GTPBP10: variants seen among roughly 807,000 people sequenced by gnomAD.
GTPBP10 encodes the protein GTP-binding protein 10.
Under a neutral mutation model 44.8 loss-of-function variants are expected in GTPBP10, and 38 were observed. The ratio of observed to expected loss-of-function variants is 0.85; its 90% confidence interval spans 0.65 to 1.11. The LOEUF (loss-of-function observed/expected upper bound fraction) is 1.11. Among genes scored for constraint, GTPBP10 ranks in the 50% most tolerant of loss-of-function variants. The probability of loss-of-function intolerance (pLI) is 0.00; values close to 1 mark genes in which losing one functional copy is unlikely to be tolerated. For synonymous variants in GTPBP10, 152 were observed against 150.6 expected (o/e 1.01, Z -0.07); for missense variants, 462 against 453.7 (o/e 1.02, Z -0.17).
chr7:90,367,955 A>G (rs1245837754), intron 4 of GTPBP10, among the ~76,000 whole-genome samples: 1 of 152,166 alleles, frequency 6.6e-6, no homozygotes, highest in African/African-American at 2.4e-5. Flanking sequence ...TTCCTTTAGA[A>G]GCTCTTGTAA....
At chr7:90,349,028 C>T (rs1006698532) in intron 1 of GTPBP10, among the ~76,000 whole-genome samples, 4 of 152,142 alleles carry the variant, frequency 2.6e-5, no homozygotes, top group Admixed American at 6.5e-5. Context: ...TCTTGAAGTC[C>T]TTTACCCACT....
At chr7:90,361,071 A>T (rs1247818136) in intron 4 of GTPBP10, among the ~76,000 whole-genome samples, 1 of 152,200 alleles carries the variant, frequency 6.6e-6, no homozygotes, top group Non-Finnish European at 1.5e-5. Context: ...CAATCTTGTC[A>T]TCTTCAAACA....
chr7:90,370,867 C>T (rs955615174), intron 4 of GTPBP10, among the ~76,000 whole-genome samples: 3 of 151,948 alleles, frequency 2.0e-5, no homozygotes, highest in African/African-American at 7.3e-5. Flanking sequence ...ATTAGCCAGG[C>T]ATTGTGGCGG....
intron 6 of GTPBP10, among the ~76,000 whole-genome samples, chr7:90,374,731 A>G (rs1249252467): frequency 6.6e-6 from 1 of 152,162 alleles, no homozygotes; most frequent in African/African-American, 2.4e-5. Context: ...AAATGTTTTA[A>G]TGGAGTTTTG....
intron 1 of GTPBP10, among the ~76,000 whole-genome samples, chr7:90,352,225 T>G (rs1304212403): frequency 6.6e-6 from 1 of 152,188 alleles, no homozygotes; most frequent in Admixed American, 6.5e-5. Flanking sequence ...CTTCCATTTG[T>G]GTAGTCTCAA....
rs1345146237 is a variant in GTPBP10 at position 90,378,224 on chromosome 7, T to C, written c.777+13T>C. On this transcript the variant is annotated intron_variant, in intron 8 of 9. Coordinates refer to ENST00000222511, the MANE Select transcript of GTPBP10 (RefSeq NM_033107.4). ...ACTGCTTACAAAAGTAGGTTTTCTG[T>C]TTTACTGTGTTCTGTATTTGGTCTA... is the stretch of plus-strand genomic sequence containing the variant. 6 of 1,604,364 alleles carry C rather than the reference T, an allele frequency of 3.7e-6. No homozygotes were observed. The highest frequency in any genetic ancestry group is 5.1e-6 in the Non-Finnish European group (6 of 1,172,598).
chr7:90,371,916 T>G (rs1796264595), intron 4 of GTPBP10, among the ~76,000 whole-genome samples: 2 of 152,150 alleles, frequency 1.3e-5, no homozygotes, highest in South Asian at 4.1e-4. Flanking sequence ...GGTTTTTATT[T>G]TTAAATCATA....
At chr7:90,373,930 T>C (rs1005159400) in intron 5 of GTPBP10, among the ~76,000 whole-genome samples, 1 of 152,170 alleles carries the variant, frequency 6.6e-6, no homozygotes, top group Non-Finnish European at 1.5e-5. Context: ...AACTTTGAAC[T>C]CCTGGGCTCA....
rs574763363 is a variant in GTPBP10 at position 90,375,642 on chromosome 7, T to C, written c.591+1288T>C. 1.2e-4 allele frequency among the ~76,000 whole-genome samples: 19 copies of C among 152,270 alleles called. No individual in the cohort carries two copies. The South Asian group carries it at 3.9e-3, about 32-fold the overall frequency. The stretch of plus-strand genomic sequence containing the variant: ...AAAAGAGAACATCATTTATACCGAA[T>C]TTTTAAGGGAAATCAGTAGAGGAAA... On this transcript the variant is annotated intron_variant, in intron 6 of 9. Transcript: ENST00000222511.
At chr7:90,372,482 C>CATTTTTTTTTTTTTTT in intron 5 of GTPBP10, among the ~76,000 whole-genome samples, 1 of 112,206 alleles carries the variant, frequency 8.9e-6, no homozygotes, top group South Asian at 3.0e-4. Context: ...GCTTGGCTAA[C>CATTTTTTTTTTTTTTT]TTTTTTTTTT....
chr7:90,346,904 C>T (rs1021295625), intron 1 of GTPBP10, 130 bp downstream of exon 1: 3 of 990,296 alleles, frequency 3.0e-6, no homozygotes, highest in Non-Finnish European at 4.8e-6. Context: ...GACTTCTCCG[C>T]CCCTCCTGTA....
At chr7:90,371,433 T>C (rs1796255358) in intron 4 of GTPBP10, among the ~76,000 whole-genome samples, 1 of 152,210 alleles carries the variant, frequency 6.6e-6, no homozygotes, top group Non-Finnish European at 1.5e-5. Flanking sequence ...ATTAAGACTC[T>C]ATAAAAACTG....
intron 4 of GTPBP10, among the ~76,000 whole-genome samples, chr7:90,356,800 G>A (rs1210180295): frequency 5.3e-5 from 8 of 152,060 alleles, no homozygotes; most frequent in African/African-American, 1.7e-4. Context: ...ATTTTTGTAC[G>A]TTCAATGAAT....
chr7:90,376,999 G>A (rs1039348645), intron 6 of GTPBP10, among the ~76,000 whole-genome samples: 5 of 152,190 alleles, frequency 3.3e-5, no homozygotes, highest in Non-Finnish European at 5.9e-5. Context: ...TAAGGTGAGA[G>A]GATCACTTGA....
At position 90,385,167 on chromosome 7, in the gene GTPBP10, T is replaced by G; in HGVS notation, c.*13T>G. The G allele has an allele frequency of 1.9e-6, 3 of 1,546,228 alleles. No individual in the cohort carries two copies. The highest frequency in any genetic ancestry group is 2.6e-6 in the Non-Finnish European group (3 of 1,133,724). On this transcript the variant is annotated 3_prime_UTR_variant, in exon 10 of 10. Transcript: ENST00000222511. Reference sequence around the variant, plus strand: ...GGATATAATTTAAATATATTAAAAATGGTATTGATGGAACAGTATTTAATG... The same window carrying G: ...GGATATAATTTAAATATATTAAAAAGGGTATTGATGGAACAGTATTTAATG...
intron 4 of GTPBP10, among the ~76,000 whole-genome samples, chr7:90,358,189 T>C (rs1216492954): frequency 6.6e-6 from 1 of 151,944 alleles, no homozygotes; most frequent in African/African-American, 2.4e-5. Flanking sequence ...TTACAATAGC[T>C]ACAAAAAATA....
chr7:90,391,417 C>A lies in GTPBP10; in HGVS notation c.*6263C>A, dbSNP rs530740160. The A allele has an allele frequency of 1.3e-5, 2 of 152,044 alleles. No homozygotes were observed. Among genetic ancestry groups the A allele is most frequent in the East Asian group, 3.9e-4 (2 of 5,176 alleles). 9.4% of individuals were successfully genotyped at this position (152,044 alleles called of 1,614,324 possible). A position where few individuals can be genotyped will look rare whatever the true frequency, so the allele number is the denominator to read the frequency against. Reference sequence around the variant, plus strand: ...AGAGATTAAAAATATTAAATTGGGCCAATTAATATATTGTAATAAAAGCTA... The same window carrying A: ...AGAGATTAAAAATATTAAATTGGGCAAATTAATATATTGTAATAAAAGCTA... On this transcript the variant is annotated 3_prime_UTR_variant, in exon 10 of 10. Coordinates refer to ENST00000222511, the MANE Select transcript of GTPBP10 (RefSeq NM_033107.4).
At chr7:90,362,619 G>A (rs991630972) in intron 4 of GTPBP10, among the ~76,000 whole-genome samples, 7 of 152,112 alleles carry the variant, frequency 4.6e-5, no homozygotes, top group African/African-American at 1.7e-4. Context: ...GTTGATTTGG[G>A]GTGGAGAGTT....
intron 8 of GTPBP10, among the ~76,000 whole-genome samples, chr7:90,379,502 C>T (rs1396409798): frequency 6.6e-6 from 1 of 152,194 alleles, no homozygotes; most frequent in African/African-American, 2.4e-5. Flanking sequence ...ACCCTCTCCC[C>T]TAGATGCTAT....
Sources: gnomAD v4.1 joint callset for allele counts (sites outside exome capture counted in the v4.1 genomes callset) on GRCh38, gnomAD v4.1.1 for gene constraint, MANE v1.5 for transcripts, NCBI Gene and HGNC (gene_info 2026-07-23, HGNC 2026-07-21) for gene names.